SAP130: variants seen among roughly 807,000 people sequenced by gnomAD.
SAP130 encodes the protein histone deacetylase complex subunit SAP130.
Under a neutral mutation model 103.2 loss-of-function variants are expected in SAP130, and 16 were observed. That is an observed-to-expected ratio of 0.16 (90% confidence interval 0.10 to 0.24). The LOEUF is 0.24. SAP130 is among the 10% of genes least tolerant of loss of function. SAP130 has a pLI of 1.00. For missense variants in SAP130, 990 were observed against 1,359.7 expected (o/e 0.73, Z 4.28); for synonymous variants, 477 against 497.0 (o/e 0.96, Z 0.53).
chr2:128,022,446 T>C (rs1000224546), intron 2 of SAP130, among the ~76,000 whole-genome samples: 2 of 152,260 alleles, frequency 1.3e-5, no homozygotes, highest in Non-Finnish European at 2.9e-5. Flanking sequence ...TGTATAAACA[T>C]ATATTTTCAT....
chr2:127,991,512 TG>T (rs1682804325), intron 12 of SAP130, among the ~76,000 whole-genome samples: 1 of 151,996 alleles, frequency 6.6e-6, no homozygotes, highest in African/African-American at 2.4e-5. Flanking sequence ...GGCTAATTTT[TG>T]TATTTTTGGT....
chr2:127,951,032 C>A (rs1679461567), intron 16 of SAP130, among the ~76,000 whole-genome samples: 1 of 152,142 alleles, frequency 6.6e-6, no homozygotes, highest in Non-Finnish European at 1.5e-5. Context: ...TAGCAGGTAA[C>A]CTATTAACTC....
At chr2:127,944,173 G>C (rs78066848) in intron 19 of SAP130, among the ~76,000 whole-genome samples, 1,562 of 151,906 alleles carry the variant, frequency 0.01, 24 homozygotes, top group African/African-American at 0.033. Flanking sequence ...CTGGGACTAG[G>C]GGGTGTGCAC....
chr2:127,988,607 T>G (rs1305686054), intron 13 of SAP130, among the ~76,000 whole-genome samples: 1 of 151,876 alleles, frequency 6.6e-6, no homozygotes, highest in Non-Finnish European at 1.5e-5. Context: ...CCCAGCACTT[T>G]GTGAGGCCAA....
In SAP130 at chr2:128,027,798, G is replaced by A. The variant is rs116422917; in HGVS notation, c.-7+142C>T. 2,113 of 503,250 alleles carry A rather than the reference G, an allele frequency of 4.2e-3. 39 individuals carry two copies. Among genetic ancestry groups the A allele is most frequent in the African/African-American group, 0.041 (1,952 of 48,106 alleles). 31.2% of individuals were successfully genotyped at this position (503,250 alleles called of 1,614,324 possible). On this transcript the variant is annotated intron_variant, in intron 1 of 20. Coordinates refer to ENST00000643581, the MANE Select transcript of SAP130 (RefSeq NM_001330301.2). The stretch of plus-strand genomic sequence containing the variant: ...CAACCGCCGTGACCAGCTCGCGAAA[G>A]AGCCGCGGTCCGAGCCGCAGGAGAC...
rs546311266 is a variant in SAP130, at chr2:127,981,212, G to C, written c.1959-3123C>G. On this transcript the variant is annotated intron_variant, in intron 14 of 20. Coordinates refer to ENST00000643581, the MANE Select transcript of SAP130 (RefSeq NM_001330301.2). ...GTTACAGGATGCGGTTAACATGTCTGTTCACCTCGCACAACAAAGCTGGCA... is the reference window on the plus strand; with the variant it reads ...GTTACAGGATGCGGTTAACATGTCTCTTCACCTCGCACAACAAAGCTGGCA... 1.9e-3 allele frequency among the ~76,000 whole-genome samples: 284 copies of C among 151,758 alleles called. 1 individual carries two copies. Among genetic ancestry groups the C allele is most frequent in the South Asian group, 0.015 (74 of 4,786 alleles).
At chr2:127,978,125 G>A in intron 14 of SAP130, 36 bp from the exon 15 acceptor site, 1 of 1,471,890 alleles carries the variant, frequency 6.8e-7, no homozygotes, top group Non-Finnish European at 9.3e-7. Context: ...GAGAACAGCA[G>A]TCCAAGGGCA....
intron 18 of SAP130, among the ~76,000 whole-genome samples, chr2:127,948,485 AC>A (rs1446234513): frequency 3.3e-5 from 5 of 150,646 alleles, no homozygotes; most frequent in Non-Finnish European, 7.4e-5. Flanking sequence ...GATTACAGGC[AC>A]CCGCCATCAT....
intron 9 of SAP130, 73 bp from the exon 10 acceptor site, chr2:127,999,918 G>A (rs1392044184): frequency 3.5e-6 from 5 of 1,434,354 alleles, no homozygotes; most frequent in Non-Finnish European, 4.8e-6. Context: ...CAAAAACCTG[G>A]GAAATCTCCT....
intron 2 of SAP130, among the ~76,000 whole-genome samples, chr2:128,018,833 A>T (rs1684963554): frequency 6.6e-6 from 1 of 151,610 alleles, no homozygotes; most frequent in African/African-American, 2.4e-5. Context: ...GGCTGAGCAC[A>T]GCCTGTAATC....
Position 128,013,144 on chromosome 2 carries a change from A to G in SAP130, c.630T>C (p.Ala210=). ...GASHLPRGAA[A]AAVMSSSKVT... ...CTTTAGAACTGGACATCACAGCAGC[A>G]GCAGCTGCACCTGAAAAAAAAAAAG... The change falls in exon 6 of 21, where the codon GCT becomes GCC. Residue 210 remains alanine (A), a synonymous_variant. Transcript: ENST00000643581. The G allele has an allele frequency of 6.2e-7, 1 of 1,602,120 alleles. No individual in the cohort carries two copies. Among genetic ancestry groups the G allele is most frequent in the Non-Finnish European group, 8.5e-7 (1 of 1,176,250 alleles).
At chr2:127,983,820 GTTGTTTTT>G (rs1348383413) in intron 14 of SAP130, among the ~76,000 whole-genome samples, 12 of 112,368 alleles carry the variant, frequency 1.1e-4, no homozygotes, top group Non-Finnish European at 1.7e-4. Flanking sequence ...CTATTACTTT[GTTGTTTTT>G]TTTTTTTTTT....
chr2:127,949,653 A>G (rs948008226), intron 18 of SAP130, among the ~76,000 whole-genome samples: 1 of 152,188 alleles, frequency 6.6e-6, no homozygotes, highest in African/African-American at 2.4e-5. Context: ...TTAAACTGCA[A>G]TTCCAATAAA....
chr2:128,014,481 C>T (rs1684630660), intron 5 of SAP130, among the ~76,000 whole-genome samples: 1 of 152,026 alleles, frequency 6.6e-6, no homozygotes, highest in Admixed American at 6.6e-5. Flanking sequence ...GGACTACAGA[C>T]GCATGCCACC....
intron 15 of SAP130, among the ~76,000 whole-genome samples, chr2:127,961,581 C>G (rs999266895): frequency 4.0e-5 from 6 of 150,728 alleles, no homozygotes; most frequent in East Asian, 3.9e-4. Flanking sequence ...TTTATTTACC[C>G]AGTCCCCTAT....
Position 127,942,036 on chromosome 2 carries a change from C to T in SAP130, c.3144G>A (p.Val1048=). ...CTTTTTCCTTTCGCTTCAATTTGGA[C>T]ACTTTTTTGACAGTCCCGTTCTTGT... ...LLNKNGTVKK[V]SKLKRKEKV The change falls in exon 21 of 21, where the codon GTG becomes GTA. Residue 1048 remains valine (V), a synonymous_variant. Transcript: ENST00000643581. This position sits in a 1 kb window ranked among gnomAD's most constrained non-coding sequence, Gnocchi z 4.8. 3.1e-6 allele frequency: 5 copies of T among 1,601,442 alleles called. No individual in the cohort carries two copies. In the South Asian group the frequency reaches 5.5e-5, roughly 18 times the overall value.
At position 128,010,265 on chromosome 2, in the gene SAP130, A is replaced by T; in HGVS notation, c.869+4T>A. The T allele has an allele frequency of 6.2e-7, 1 of 1,613,056 alleles. No homozygotes were observed. Among genetic ancestry groups the T allele is most frequent in the Non-Finnish European group, 8.5e-7 (1 of 1,179,424 alleles). On this transcript the variant is annotated splice_donor_region_variant and intron_variant, in intron 7 of 20. Coordinates refer to ENST00000643581, the MANE Select transcript of SAP130 (RefSeq NM_001330301.2). ...GGTTCAAACTTCATACTCCCCATGTATACCTAAGTGCTGAATCAGTAGCAT... is the reference window on the plus strand; with the variant it reads ...GGTTCAAACTTCATACTCCCCATGTTTACCTAAGTGCTGAATCAGTAGCAT...
In SAP130 at chr2:127,941,941, A is replaced by AACC; in HGVS notation, c.*64_*65insGGT. The AACC allele has an allele frequency of 3.6e-6, 1 of 276,730 alleles. No homozygotes were observed. The highest frequency in any genetic ancestry group is 6.9e-6 in the Non-Finnish European group (1 of 145,390). 17.1% of individuals were successfully genotyped at this position (276,730 alleles called of 1,614,324 possible). On this transcript the variant is annotated 3_prime_UTR_variant, in exon 21 of 21. Coordinates refer to ENST00000643581, the MANE Select transcript of SAP130 (RefSeq NM_001330301.2). ...ATGTTCCACTTTGGAAAAAACCAAA[A>AACC]CCCTCCCCCCACCCCCACCATCATT...
intron 7 of SAP130, among the ~76,000 whole-genome samples, chr2:128,001,384 G>A (rs963337323): frequency 4.6e-5 from 7 of 152,174 alleles, no homozygotes; most frequent in African/African-American, 1.7e-4. Context: ...AAAATAAAAT[G>A]CAAAGAATCA....
Sources: gnomAD v4.1 joint callset for allele counts (sites outside exome capture counted in the v4.1 genomes callset) on GRCh38, gnomAD v4.1.1 for gene constraint, Gnocchi (gnomAD v3.1) non-coding constraint, MANE v1.5 for transcripts, NCBI Gene and HGNC (gene_info 2026-07-23, HGNC 2026-07-21) for gene names.